MGAT5: variants seen among roughly 807,000 people sequenced by gnomAD.
The protein encoded by MGAT5 is alpha-1,6-mannosylglycoprotein 6-beta-N-acetylglucosaminyltransferase, also known as alpha-1,6-mannosylglycoprotein 6-beta-N-acetylglucosaminyltransferase A.
MGAT5 carries 30 observed loss-of-function variants against 94.3 expected under a neutral mutation model. That is an observed-to-expected ratio of 0.32 (90% CI 0.24 to 0.43). MGAT5 has a LOEUF of 0.43. Ranked by LOEUF, MGAT5 falls within the 20% of genes least tolerant of loss-of-function variation. MGAT5 has a pLI of 1.00. For synonymous variants in MGAT5, 310 were observed against 322.9 expected (o/e 0.96, Z 0.43); for missense variants, 691 against 905.5 (o/e 0.76, Z 3.04).
chr2:134,403,242 G>A (rs1329884449), intron 11 of MGAT5, 105 bp downstream of exon 11: 1 of 1,224,820 alleles, frequency 8.2e-7, no homozygotes. Context: ...AAACTCTTGT[G>A]GCTATTTTGG....
At chr2:134,352,050 G>A (rs1288492189) in intron 9 of MGAT5, among the ~76,000 whole-genome samples, 1 of 152,184 alleles carries the variant, frequency 6.6e-6, no homozygotes, top group African/African-American at 2.4e-5. Context: ...AAACAGCATA[G>A]CTATTCTGAT....
intron 1 of MGAT5, among the ~76,000 whole-genome samples, chr2:134,239,852 G>A (rs1681875999): frequency 6.6e-6 from 1 of 152,052 alleles, no homozygotes; most frequent in Non-Finnish European, 1.5e-5. Flanking sequence ...AAAAGACAAG[G>A]AGAAGAGAAT....
chr2:134,189,593 TTTTTTTTTG>T (rs1278548971), intron 1 of MGAT5, among the ~76,000 whole-genome samples: 6 of 74,978 alleles, frequency 8.0e-5, no homozygotes, highest in South Asian at 3.9e-4. Flanking sequence ...ATGGCTCTAG[TTTTTTTTTG>T]TTTTTTTTTT....
chr2:134,229,456 TATTA>T (rs1558999057), intron 1 of MGAT5, among the ~76,000 whole-genome samples: 2 of 152,342 alleles, frequency 1.3e-5, no homozygotes, highest in South Asian at 2.1e-4. Flanking sequence ...CTGGTTCCTG[TATTA>T]ATTAATCAGC....
At chr2:134,345,169 G>A (rs1353654237) in intron 8 of MGAT5, 105 bp downstream of exon 8, 2 of 1,206,682 alleles carry the variant, frequency 1.7e-6, no homozygotes, top group African/African-American at 1.5e-5. Context: ...CTTTTCAGCT[G>A]TATGGAGTGT....
At chr2:134,122,324 G>A (rs1685649955) in intron 1 of MGAT5, among the ~76,000 whole-genome samples, 1 of 152,116 alleles carries the variant, frequency 6.6e-6, no homozygotes, top group Non-Finnish European at 1.5e-5. Flanking sequence ...GGCTGGTCGC[G>A]AACTCCTGAC....
At chr2:134,215,158 A>G (rs772259596) in intron 1 of MGAT5, among the ~76,000 whole-genome samples, 10 of 152,290 alleles carry the variant, frequency 6.6e-5, no homozygotes, top group Non-Finnish European at 1.0e-4. Flanking sequence ...TTATTGATCC[A>G]CCCATTCTAC....
At chr2:134,295,761 A>G (rs1685636870) in intron 2 of MGAT5, among the ~76,000 whole-genome samples, 1 of 152,128 alleles carries the variant, frequency 6.6e-6, no homozygotes, top group Non-Finnish European at 1.5e-5. Flanking sequence ...GGGAAGCTTG[A>G]ATTATACCAA....
intron 10 of MGAT5, among the ~76,000 whole-genome samples, chr2:134,391,393 A>G (rs1181375662): frequency 2.0e-5 from 3 of 152,228 alleles, no homozygotes; most frequent in Admixed American, 1.3e-4. Context: ...GGCTGCTGTG[A>G]TAAAGTACCA....
chr2:134,397,107 A>G (rs893927537), intron 10 of MGAT5, among the ~76,000 whole-genome samples: 9 of 152,236 alleles, frequency 5.9e-5, no homozygotes, highest in African/African-American at 9.6e-5. Context: ...GAGAGCTTGC[A>G]GAAGCCCAGA....
intron 2 of MGAT5, among the ~76,000 whole-genome samples, chr2:134,304,305 G>A (rs966123617): frequency 3.3e-5 from 5 of 152,076 alleles, no homozygotes; most frequent in African/African-American, 7.2e-5. Context: ...TCTCCTATCC[G>A]GATGCCATGG....
intron 8 of MGAT5, among the ~76,000 whole-genome samples, chr2:134,345,548 AT>A (rs1278297809): frequency 6.6e-6 from 1 of 152,124 alleles, no homozygotes. Context: ...TCTGTGGTAC[AT>A]GTGTACTCTG....
chr2:134,416,380 C>T (rs1352701126), intron 12 of MGAT5, among the ~76,000 whole-genome samples: 1 of 152,016 alleles, frequency 6.6e-6, no homozygotes, highest in East Asian at 1.9e-4. Flanking sequence ...TAAGTGGAAC[C>T]ATATAATGTC....
At chr2:134,274,918 G>A (rs186368088) in intron 2 of MGAT5, among the ~76,000 whole-genome samples, 24 of 152,282 alleles carry the variant, frequency 1.6e-4, no homozygotes, top group Admixed American at 1.2e-3. Flanking sequence ...CTTAAAAACA[G>A]CAACCATTAT....
At chr2:134,362,247 CTG>C in intron 9 of MGAT5, 26 bp from the exon 10 acceptor site, 1 of 1,607,856 alleles carries the variant, frequency 6.2e-7, no homozygotes, top group Non-Finnish European at 8.5e-7. Flanking sequence ...TGGACACTAA[CTG>C]TCCTCTCCAT....
At chr2:134,207,872 G>C (rs1291506536) in intron 1 of MGAT5, among the ~76,000 whole-genome samples, 2 of 152,222 alleles carry the variant, frequency 1.3e-5, no homozygotes, top group Non-Finnish European at 2.9e-5. Context: ...TTTAAGGAGA[G>C]GGATTAGCAT....
chr2:134,342,416 G>A (rs1226417271), intron 7 of MGAT5, among the ~76,000 whole-genome samples: 4 of 152,082 alleles, frequency 2.6e-5, no homozygotes, highest in South Asian at 2.1e-4. Context: ...GCTATATGTC[G>A]TATATTTCCA....
chr2:134,152,842 A>G (rs1444730440), intron 1 of MGAT5, among the ~76,000 whole-genome samples: 2 of 152,102 alleles, frequency 1.3e-5, no homozygotes, highest in African/African-American at 2.4e-5. Context: ...AGGAAGTCCA[A>G]AGGAACTTGT....
At chr2:134,249,520 G>A (rs1211964820), upstream of MGAT5, among the ~76,000 whole-genome samples, 1 of 151,780 alleles carries the variant, frequency 6.6e-6, no homozygotes, top group Non-Finnish European at 1.5e-5. Context: ...GTGTTTTTTT[G>A]TTACTTTTTT....
Sources: gnomAD v4.1 joint callset for allele counts (sites outside exome capture counted in the v4.1 genomes callset) on GRCh38, gnomAD v4.1.1 for gene constraint, MANE v1.5 for transcripts, NCBI Gene and HGNC (gene_info 2026-07-23, HGNC 2026-07-21) for gene names.